The following TOX variants were observed in gnomAD, a reference collection of about 807,000 sequenced individuals.
TOX encodes thymocyte selection-associated high mobility group box protein TOX.
TOX carries 11 observed loss-of-function variants against 53.7 expected under a neutral mutation model. The ratio of observed to expected loss-of-function variants is 0.20; its 90% CI spans 0.13 to 0.34. The LOEUF is 0.34. Ranked by LOEUF, TOX falls within the 10% of genes least tolerant of loss-of-function variation. TOX has a pLI of 1.00. For missense variants in TOX, 570 were observed against 664.6 expected, an observed-to-expected ratio of 0.86 and a Z score of 1.56; for synonymous variants, 225 against 245.3, an observed-to-expected ratio of 0.92 and a Z score of 0.77.
chr8:59,003,135 C>T (rs1813725426), intron 1 of TOX, among the ~76,000 whole-genome samples: 1 of 152,290 alleles, frequency 6.6e-6, no homozygotes, highest in East Asian at 1.9e-4. Flanking sequence ...TCAGACCAAA[C>T]TTCAAACTAT....
At chr8:58,909,176 C>G (rs1364408110) in intron 3 of TOX, among the ~76,000 whole-genome samples, 1 of 152,126 alleles carries the variant, frequency 6.6e-6, no homozygotes, top group Non-Finnish European at 1.5e-5. Flanking sequence ...AGGTGGAGCC[C>G]AGGGCATTTT....
At chr8:59,086,274 C>T (rs1804507745) in intron 1 of TOX, among the ~76,000 whole-genome samples, 1 of 152,092 alleles carries the variant, frequency 6.6e-6, no homozygotes, top group Admixed American at 6.6e-5. Context: ...TGTGAGCCAC[C>T]ATACCCGGAC....
At chr8:58,894,721 C>T (rs376383647) in intron 3 of TOX, among the ~76,000 whole-genome samples, 96 of 151,620 alleles carry the variant, frequency 6.3e-4, no homozygotes, top group Middle Eastern at 3.5e-3. Flanking sequence ...TGGTAAAACC[C>T]CATCTCTACT....
chr8:59,091,917 C>T (rs1200259012), intron 1 of TOX, among the ~76,000 whole-genome samples: 4 of 151,994 alleles, frequency 2.6e-5, no homozygotes, highest in Non-Finnish European at 4.4e-5. Context: ...TTCCATCTCC[C>T]GTATTTATTA....
At chr8:58,992,001 G>A (rs1313221655) in intron 1 of TOX, 4 of 152,222 alleles carry the variant, frequency 2.6e-5, no homozygotes, top group Non-Finnish European at 5.9e-5. Context: ...CGTTACACTA[G>A]TTTTACCTGG....
chr8:58,810,955 C>T (rs1291679923), intron 7 of TOX, among the ~76,000 whole-genome samples: 1 of 152,090 alleles, frequency 6.6e-6, no homozygotes, highest in Non-Finnish European at 1.5e-5. Flanking sequence ...GTTTACAAAA[C>T]CAAAATTATG....
At chr8:58,886,789 A>G (rs767594255) in intron 3 of TOX, among the ~76,000 whole-genome samples, 1 of 151,768 alleles carries the variant, frequency 6.6e-6, no homozygotes, top group Non-Finnish European at 1.5e-5. Context: ...TTTCTTCCCA[A>G]CCACAATTTA....
intron 1 of TOX, among the ~76,000 whole-genome samples, chr8:58,988,388 C>G (rs571695355): frequency 6.6e-6 from 1 of 152,248 alleles, no homozygotes; most frequent in South Asian, 2.1e-4. Flanking sequence ...ATGTCTATAG[C>G]CGTTCCCTGA....
intron 6 of TOX, among the ~76,000 whole-genome samples, chr8:58,817,331 G>A (rs919359553): frequency 1.3e-5 from 2 of 151,848 alleles, no homozygotes; most frequent in African/African-American, 4.8e-5. Context: ...AAATTTTAAG[G>A]GGAGGTTTTA....
chr8:59,020,845 T>A (rs1223969842), intron 1 of TOX, among the ~76,000 whole-genome samples: 8 of 152,112 alleles, frequency 5.3e-5, no homozygotes, highest in Admixed American at 5.2e-4. Flanking sequence ...ATCTATAGAA[T>A]ATAGTTTAGG....
chr8:59,020,434 A>C (rs1814102106), intron 1 of TOX, among the ~76,000 whole-genome samples: 1 of 151,908 alleles, frequency 6.6e-6, no homozygotes, highest in Non-Finnish European at 1.5e-5. Context: ...TCCAAAACTC[A>C]CTCTACTTTC....
At chr8:58,968,804 A>C (rs544982945) in intron 1 of TOX, among the ~76,000 whole-genome samples, 2 of 152,318 alleles carry the variant, frequency 1.3e-5, no homozygotes, top group East Asian at 3.9e-4. Flanking sequence ...CAAAACAAAA[A>C]ATAAGACTAG....
intron 3 of TOX, among the ~76,000 whole-genome samples, chr8:58,858,479 T>C (rs996156254): frequency 6.6e-6 from 1 of 152,242 alleles, no homozygotes; most frequent in Non-Finnish European, 1.5e-5. Flanking sequence ...TTAGAGTGAA[T>C]AGCAGTTGGT....
At chr8:58,947,451 A>G (rs1812541659) in intron 2 of TOX, among the ~76,000 whole-genome samples, 1 of 152,174 alleles carries the variant, frequency 6.6e-6, no homozygotes. Context: ...CTTCAGCTAT[A>G]TGTAATTTAC....
In TOX at chr8:58,939,293, G is replaced by A. The variant is rs777304268; in HGVS notation, c.411+9C>T. On this transcript the variant is annotated intron_variant, in intron 3 of 8. Transcript: ENST00000361421. ...AGCCCCCACCACAAACAGGTAAGCA[G>A]ATTCTTACCACAGAAATGGAATTAG... 6.2e-7 allele frequency: 1 copy of A among 1,613,920 alleles called. No homozygotes were observed. Among genetic ancestry groups the A allele is most frequent in the South Asian group, 1.1e-5 (1 of 91,048 alleles).
intron 3 of TOX, among the ~76,000 whole-genome samples, chr8:58,908,376 C>T (rs1315661294): frequency 6.6e-6 from 1 of 152,152 alleles, no homozygotes; most frequent in Non-Finnish European, 1.5e-5. Flanking sequence ...TCCTGTCATG[C>T]ACCTGATGCC....
At chr8:59,055,443 G>C (rs554545686) in intron 1 of TOX, among the ~76,000 whole-genome samples, 1 of 152,286 alleles carries the variant, frequency 6.6e-6, no homozygotes, top group South Asian at 2.1e-4. Flanking sequence ...CTACTACAGA[G>C]TTCCAGGAAA....
chr8:58,839,612 ATT>A, intron 4 of TOX, among the ~76,000 whole-genome samples: 1 of 152,242 alleles, frequency 6.6e-6, no homozygotes, highest in East Asian at 1.9e-4. Context: ...CGGCTCTAAA[ATT>A]ATATGAGTCT....
intron 3 of TOX, among the ~76,000 whole-genome samples, chr8:58,926,092 T>C (rs1488676455): frequency 6.6e-6 from 1 of 152,222 alleles, no homozygotes; most frequent in Non-Finnish European, 1.5e-5. Context: ...CCTCACAAAG[T>C]GCTCACATGC....
Sources: allele counts gnomAD v4.1 joint callset (sites outside exome capture counted in the v4.1 genomes callset), GRCh38; gene constraint gnomAD v4.1.1; transcripts MANE v1.5; gene names NCBI Gene and HGNC (gene_info 2026-07-23, HGNC 2026-07-21).